SGCZ: variants seen among roughly 807,000 people sequenced by gnomAD.
The protein encoded by SGCZ is zeta-sarcoglycan.
A neutral mutation model predicts 41.3 loss-of-function variants in SGCZ; 40 were observed. The ratio of observed to expected loss-of-function variants is 0.97; its 90% CI spans 0.75 to 1.26. The LOEUF (loss-of-function observed/expected upper bound fraction) is 1.26, where lower values mean the gene tolerates loss of function less well. SGCZ is among the 50% of genes most tolerant of loss of function. The probability of loss-of-function intolerance (pLI) is 0.00; values close to 1 mark genes in which losing one functional copy is unlikely to be tolerated. For missense variants in SGCZ, 552 were observed against 369.8 expected, an observed-to-expected ratio of 1.49 and a Z score of -4.04; for synonymous variants, 206 against 137.5, an observed-to-expected ratio of 1.50 and a Z score of -3.49.
rs1166150518 is a variant in SGCZ at position 14,807,349 on chromosome 8, A to C, written c.40-252423T>G. Among the ~76,000 whole-genome samples, 5 of 152,212 alleles carry C rather than the reference A, an allele frequency of 3.3e-5. No individual in the cohort carries two copies. In the East Asian group the frequency reaches 9.7e-4, roughly 30 times the overall value. On this transcript the variant is annotated intron_variant, in intron 1 of 7. Transcript: ENST00000382080. ...GAAAACCCCATTGTCTCAGCCCAAAATCTCCTTAAGCTGATAAGCAACTTC... is the reference window on the plus strand; with the variant it reads ...GAAAACCCCATTGTCTCAGCCCAAACTCTCCTTAAGCTGATAAGCAACTTC...
At chr8:14,323,754 A>C (rs776015170) in intron 3 of SGCZ, among the ~76,000 whole-genome samples, 2 of 152,162 alleles carry the variant, frequency 1.3e-5, no homozygotes, top group African/African-American at 2.4e-5. Flanking sequence ...AAAATCATTA[A>C]TTCAAATCAG....
At chr8:14,721,214 A>T (rs1305409622) in intron 1 of SGCZ, among the ~76,000 whole-genome samples, 1 of 152,112 alleles carries the variant, frequency 6.6e-6, no homozygotes, top group East Asian at 1.9e-4. Context: ...TTATTTGGTG[A>T]TTGCATCTAG....
At chr8:14,218,348 A>G (rs531375741) in intron 4 of SGCZ, among the ~76,000 whole-genome samples, 1 of 152,222 alleles carries the variant, frequency 6.6e-6, no homozygotes, top group Non-Finnish European at 1.5e-5. Flanking sequence ...AAATAAGAAA[A>G]ACTCTAGGAA....
chr8:14,983,782 C>A (rs1366075164), intron 1 of SGCZ, among the ~76,000 whole-genome samples: 1 of 152,132 alleles, frequency 6.6e-6, no homozygotes, highest in African/African-American at 2.4e-5. Flanking sequence ...GGGTACTGGG[C>A]CCTGGTTTTC....
chr8:14,317,385 T>C (rs1801754069), intron 3 of SGCZ, among the ~76,000 whole-genome samples: 1 of 151,940 alleles, frequency 6.6e-6, no homozygotes, highest in Non-Finnish European at 1.5e-5. Context: ...AACCAGTTAT[T>C]GGACTCCAGA....
At chr8:14,291,717 T>G (rs1474733429) in intron 3 of SGCZ, among the ~76,000 whole-genome samples, 4 of 152,032 alleles carry the variant, frequency 2.6e-5, no homozygotes, top group African/African-American at 9.7e-5. Flanking sequence ...TGGTACAACT[T>G]TCTTACAGTG....
At chr8:14,685,807 C>T (rs1023224991) in intron 1 of SGCZ, among the ~76,000 whole-genome samples, 1 of 152,048 alleles carries the variant, frequency 6.6e-6, no homozygotes, top group African/African-American at 2.4e-5. Context: ...AAAAAAACCT[C>T]GACAAGTTAA....
chr8:14,571,945 G>C (rs900024484), intron 1 of SGCZ, among the ~76,000 whole-genome samples: 6 of 152,012 alleles, frequency 3.9e-5, no homozygotes, highest in Non-Finnish European at 8.8e-5. Context: ...CTATAGAAAA[G>C]GTAGGTTGGA....
intron 1 of SGCZ, among the ~76,000 whole-genome samples, chr8:14,558,574 T>TAGAGAGAGAGAGAGAGAG (rs146179658): frequency 0.014 from 1,377 of 99,484 alleles, 48 homozygotes; most frequent in East Asian, 0.025. Flanking sequence ...GAATGACTCT[T>TAGAGAGAGAGAGAGAGAG]AGAGAGAGAG....
chr8:15,129,352 A>C (rs1004967780), intron 1 of SGCZ, among the ~76,000 whole-genome samples: 1 of 152,174 alleles, frequency 6.6e-6, no homozygotes, highest in East Asian at 1.9e-4. Flanking sequence ...GAGTCTATGC[A>C]CCACAAGTTA....
At chr8:14,868,553 A>G (rs1419004639) in intron 1 of SGCZ, among the ~76,000 whole-genome samples, 1 of 152,114 alleles carries the variant, frequency 6.6e-6, no homozygotes, top group Non-Finnish European at 1.5e-5. Context: ...GAATCGAGTA[A>G]TTGATTTTCT....
chr8:14,838,421 T>C (rs1175025793), intron 1 of SGCZ, among the ~76,000 whole-genome samples: 2 of 152,074 alleles, frequency 1.3e-5, no homozygotes, highest in Non-Finnish European at 1.5e-5. Flanking sequence ...AACTAACCAA[T>C]CTGGAGGCAT....
At chr8:14,819,825 T>A (rs1049726283) in intron 1 of SGCZ, among the ~76,000 whole-genome samples, 1 of 152,050 alleles carries the variant, frequency 6.6e-6, no homozygotes. Flanking sequence ...GATTTTATGT[T>A]AGCACAATAG....
intron 3 of SGCZ, among the ~76,000 whole-genome samples, chr8:14,304,025 T>A (rs1801275181): frequency 6.6e-6 from 1 of 152,120 alleles, no homozygotes; most frequent in Admixed American, 6.6e-5. Context: ...GTGCTAGGAT[T>A]GCAGGCGTGA....
At chr8:14,675,032 G>A (rs1455449069) in intron 1 of SGCZ, among the ~76,000 whole-genome samples, 3 of 136,542 alleles carry the variant, frequency 2.2e-5, no homozygotes, top group Non-Finnish European at 3.1e-5. Context: ...TCTGCCTCCC[G>A]GGTTCACGCC....
In SGCZ at chr8:14,316,681, C is replaced by T. The variant is rs189196900; in HGVS notation, c.336+7422G>A. The stretch of plus-strand genomic sequence containing the variant: ...CTCTCACTGGCCTTTGTGTCTTAGA[C>T]TGTGATTGGCTGTTTCACTTCTTCT... On this transcript the variant is annotated intron_variant, in intron 3 of 7. Transcript: ENST00000382080. 2.9e-3 allele frequency among the ~76,000 whole-genome samples: 434 copies of T among 152,038 alleles called. 3 individuals carry two copies. The highest frequency in any genetic ancestry group is 9.9e-3 in the African/African-American group (412 of 41,508).
At chr8:14,546,235 CT>C (rs933959886) in intron 2 of SGCZ, among the ~76,000 whole-genome samples, 7 of 152,254 alleles carry the variant, frequency 4.6e-5, no homozygotes, top group African/African-American at 1.7e-4. Context: ...TAGTCACGCC[CT>C]AGAAGGTGGA....
intron 1 of SGCZ, among the ~76,000 whole-genome samples, chr8:14,615,272 C>T (rs1806062933): frequency 6.6e-6 from 1 of 152,110 alleles, no homozygotes; most frequent in Non-Finnish European, 1.5e-5. Flanking sequence ...AAGAATATAG[C>T]AAACAGCCAG....
chr8:14,246,739 C>T (rs1168613385), intron 3 of SGCZ, among the ~76,000 whole-genome samples: 1 of 151,582 alleles, frequency 6.6e-6, no homozygotes, highest in Non-Finnish European at 1.5e-5. Context: ...AACTCCGTCT[C>T]TACTAAAAAT....
Sources: allele counts gnomAD v4.1 joint callset (sites outside exome capture counted in the v4.1 genomes callset), GRCh38; gene constraint gnomAD v4.1.1; transcripts MANE v1.5; gene names NCBI Gene and HGNC (gene_info 2026-07-23, HGNC 2026-07-21).